Variants in PCDHA3 observed in about 807,000 individuals in gnomAD.
The protein encoded by PCDHA3 is protocadherin alpha-3.
In PCDHA3, 41 loss-of-function variants were observed where a neutral mutation model predicts 62.2. That is an observed-to-expected ratio of 0.66 (90% CI 0.51 to 0.86). The LOEUF (loss-of-function observed/expected upper bound fraction) is 0.86, where lower values mean the gene tolerates loss of function less well. Among genes scored for constraint, PCDHA3 ranks in the 40% least tolerant of loss-of-function variants. The pLI is 0.00. For synonymous variants in PCDHA3, 640 were observed against 555.4 expected (o/e 1.15, Z -2.14); for missense variants, 1,304 against 1,241.2 (o/e 1.05, Z -0.76).
At chr5:140,862,636 T>C in intron 1 of PCDHA3, 1 of 539,338 alleles carries the variant, frequency 1.9e-6, no homozygotes, top group East Asian at 5.1e-5. Flanking sequence ...CTGCCACGAC[T>C]TCACAGTGTC....
At chr5:140,855,892 G>T (rs1227119052) in intron 1 of PCDHA3, 2 of 1,011,396 alleles carry the variant, frequency 2.0e-6, no homozygotes, top group Non-Finnish European at 1.4e-6. Flanking sequence ...TAGAACAAAG[G>T]CATCAGCCAG....
intron 3 of PCDHA3, among the ~76,000 whole-genome samples, chr5:140,989,404 A>G (rs2097341135): frequency 6.6e-6 from 1 of 152,134 alleles, no homozygotes; most frequent in Non-Finnish European, 1.5e-5. Flanking sequence ...GAGGGTGGAG[A>G]GTCTGCACTT....
chr5:140,978,652 C>T (rs555324579), intron 1 of PCDHA3, among the ~76,000 whole-genome samples: 2 of 152,320 alleles, frequency 1.3e-5, no homozygotes, highest in East Asian at 1.9e-4. Flanking sequence ...CTGTTCTTCC[C>T]GTAGTGTTTT....
chr5:140,863,595 A>T (rs976338326), intron 1 of PCDHA3: 15 of 357,408 alleles, frequency 4.2e-5, no homozygotes, highest in Admixed American at 3.4e-4. Flanking sequence ...AAAGTATTTC[A>T]TTCCTATTAA....
intron 1 of PCDHA3, among the ~76,000 whole-genome samples, chr5:140,950,908 T>G (rs1259421351): frequency 6.6e-6 from 1 of 152,072 alleles, no homozygotes; most frequent in Non-Finnish European, 1.5e-5. Flanking sequence ...TTTATTTTTA[T>G]TTTATTTCAG....
intron 1 of PCDHA3, among the ~76,000 whole-genome samples, chr5:140,913,855 T>C (rs1554196077): frequency 6.6e-6 from 1 of 152,220 alleles, no homozygotes; most frequent in Admixed American, 6.5e-5. Context: ...TTCAGGAGCA[T>C]ATTGTTTAAT....
At position 140,858,057 on chromosome 5, in the gene PCDHA3, A is replaced by G. The variant is rs781982906; in HGVS notation, c.2394+54466A>G. On this transcript the variant is annotated intron_variant, in intron 1 of 3. Coordinates refer to ENST00000522353, the MANE Select transcript of PCDHA3 (RefSeq NM_018906.3). ...GCCACTGTGCTTGTGTCGCTTGTGG[A>G]GGGCAGCCAGGCACCCAAGGCCTCG... 1.9e-6 allele frequency: 3 copies of G among 1,597,162 alleles called. No homozygotes were observed. In the South Asian group the frequency reaches 3.3e-5, roughly 18 times the overall value.
At chr5:141,003,761 C>T (rs1371194132) in intron 3 of PCDHA3, among the ~76,000 whole-genome samples, 3 of 152,160 alleles carry the variant, frequency 2.0e-5, no homozygotes, top group Admixed American at 1.3e-4. Flanking sequence ...TAATTATGGT[C>T]GTATTCTGTT....
intron 3 of PCDHA3, among the ~76,000 whole-genome samples, chr5:140,999,676 C>T: frequency 6.6e-6 from 1 of 152,086 alleles, no homozygotes; most frequent in East Asian, 1.9e-4. Flanking sequence ...GGGGGGCTCA[C>T]AGAAAGAAGA....
At chr5:140,963,925 T>C (rs1293339875) in intron 1 of PCDHA3, among the ~76,000 whole-genome samples, 1 of 152,230 alleles carries the variant, frequency 6.6e-6, no homozygotes, top group Non-Finnish European at 1.5e-5. Flanking sequence ...CTAAGTAACA[T>C]GTCCATAGCC....
intron 1 of PCDHA3, chr5:140,927,582 G>C (rs1554204771): frequency 1.2e-6 from 2 of 1,614,174 alleles, no homozygotes; most frequent in Non-Finnish European, 8.5e-7. Context: ...ATGACAACGC[G>C]CCTGTATTTG....
intron 1 of PCDHA3, among the ~76,000 whole-genome samples, chr5:140,892,670 A>G (rs35160890): frequency 0.3 from 45,256 of 152,112 alleles, 7,290 homozygotes; most frequent in East Asian, 0.53. Context: ...ATTTTGATAC[A>G]TATATACAAT....
chr5:140,842,275 C>A, intron 1 of PCDHA3: 2 of 1,610,286 alleles, frequency 1.2e-6, no homozygotes, highest in Non-Finnish European at 8.5e-7. Flanking sequence ...TATACAAAAT[C>A]CTCATTGACG....
intron 1 of PCDHA3, among the ~76,000 whole-genome samples, chr5:140,962,075 C>T (rs999623991): frequency 6.6e-6 from 1 of 151,836 alleles, no homozygotes; most frequent in South Asian, 2.1e-4. Context: ...TTAGTAGAGA[C>T]GGGGTTTCAC....
chr5:140,829,681 G>C (rs2150172454), intron 1 of PCDHA3: 1 of 1,613,236 alleles, frequency 6.2e-7, no homozygotes, highest in Non-Finnish European at 8.5e-7. Flanking sequence ...AGCTAGAGCT[G>C]CTGCAGTTTC....
intron 1 of PCDHA3, chr5:140,969,475 C>A: frequency 1.4e-6 from 2 of 1,476,386 alleles, no homozygotes; most frequent in South Asian, 1.4e-5. Context: ...ACAATTTGAT[C>A]ATAATCTGCT....
At chr5:140,830,806 AT>A (rs1554133024) in intron 1 of PCDHA3, 1 of 158,086 alleles carries the variant, frequency 6.3e-6, no homozygotes, top group African/African-American at 2.4e-5. Flanking sequence ...TGGGATTTTC[AT>A]TTGTTTGCCT....
In PCDHA3 at chr5:140,967,246, G is replaced by T. The variant is rs569213693; in HGVS notation, c.2395-11703G>T. On this transcript the variant is annotated intron_variant, in intron 1 of 3. Coordinates refer to ENST00000522353, the MANE Select transcript of PCDHA3 (RefSeq NM_018906.3). ...ACTACCAGCTTCAGGTAAGCGAATCGGTGGCGCCTGGAGCGCGCTTTCACA... is the reference window on the plus strand; with the variant it reads ...ACTACCAGCTTCAGGTAAGCGAATCTGTGGCGCCTGGAGCGCGCTTTCACA... The T allele has an allele frequency of 9.6e-5, 155 of 1,613,594 alleles. 2 individuals carry two copies. In the South Asian group the frequency reaches 1.4e-3, roughly 15 times the overall value.
intron 1 of PCDHA3, among the ~76,000 whole-genome samples, chr5:140,973,706 G>A (rs143845626): frequency 4.6e-5 from 7 of 152,274 alleles, no homozygotes; most frequent in South Asian, 4.1e-4. Context: ...TCTGACCCAG[G>A]AGTGAGCCAT....
Sources: allele counts gnomAD v4.1 joint callset (sites outside exome capture counted in the v4.1 genomes callset), GRCh38; gene constraint gnomAD v4.1.1; transcripts MANE v1.5; gene names NCBI Gene and HGNC (gene_info 2026-07-23, HGNC 2026-07-21).